Variants in RGS9 observed in about 807,000 individuals in gnomAD.
RGS9 encodes the protein regulator of G protein signaling 9.
A neutral mutation model predicts 102.0 loss-of-function variants in RGS9; 78 were observed. The observed-to-expected ratio is 0.76, with a 90% CI of 0.64 to 0.92. The LOEUF (loss-of-function observed/expected upper bound fraction) is 0.92. RGS9 is among the 40% of genes least tolerant of loss of function. RGS9 has a pLI of 0.00. For synonymous variants in RGS9, 353 were observed against 318.6 expected (o/e 1.11, Z -1.15); for missense variants, 833 against 866.1 (o/e 0.96, Z 0.48).
intron 1 of RGS9, among the ~76,000 whole-genome samples, chr17:65,144,160 T>C (rs189139899): frequency 1.6e-3 from 245 of 152,200 alleles, no homozygotes; most frequent in Non-Finnish European, 2.4e-3. Flanking sequence ...TGGCCAGGCT[T>C]ATTAGCAGGA....
intron 9 of RGS9, among the ~76,000 whole-genome samples, chr17:65,181,928 T>C (rs1204892118): frequency 6.6e-6 from 1 of 152,206 alleles, no homozygotes; most frequent in South Asian, 2.1e-4. Context: ...TGTCATGCTA[T>C]GAGAGAGAAT....
At chr17:65,206,553 C>G in intron 15 of RGS9, among the ~76,000 whole-genome samples, 1 of 152,110 alleles carries the variant, frequency 6.6e-6, no homozygotes, top group East Asian at 1.9e-4. Flanking sequence ...TGGTGGATGC[C>G]TGTAATCTTG....
At chr17:65,224,127 T>C (rs1228311483) in intron 17 of RGS9, among the ~76,000 whole-genome samples, 1 of 152,202 alleles carries the variant, frequency 6.6e-6, no homozygotes, top group Non-Finnish European at 1.5e-5. Flanking sequence ...CCCAGGCCCA[T>C]GGGCCAGTGT....
intron 15 of RGS9, 152 bp downstream of exon 15, chr17:65,204,453 G>A (rs1220159663): frequency 2.1e-6 from 2 of 956,496 alleles, no homozygotes; most frequent in Non-Finnish European, 3.2e-6. Context: ...GCTCATGTCT[G>A]TAATCCCAGC....
chr17:65,179,371 C>T (rs538838593), intron 9 of RGS9, among the ~76,000 whole-genome samples: 1 of 152,318 alleles, frequency 6.6e-6, no homozygotes, highest in South Asian at 2.1e-4. Context: ...GTTCCCAGGG[C>T]AGCCTTTCCC....
intron 18 of RGS9, 69 bp downstream of exon 18, chr17:65,225,555 A>G (rs2144136492): frequency 6.3e-7 from 1 of 1,596,164 alleles, no homozygotes; most frequent in African/African-American, 1.3e-5. Context: ...GCATGTGAAT[A>G]TGCATGCTTT....
At chr17:65,153,573 C>T (rs926595465) in intron 2 of RGS9, 55 bp downstream of exon 2, 28 of 1,340,622 alleles carry the variant, frequency 2.1e-5, no homozygotes, top group South Asian at 1.5e-4. Flanking sequence ...AGGCCCAATA[C>T]GGCCCACCTC....
intron 11 of RGS9, 113 bp downstream of exon 11, chr17:65,190,349 G>A (rs750353560): frequency 1.8e-4 from 161 of 874,258 alleles, no homozygotes; most frequent in Non-Finnish European, 2.7e-4. Context: ...CAGCAGAACT[G>A]TGAGGGACAA....
chr17:65,225,171 T>A lies in RGS9; in HGVS notation c.1577T>A (p.Ile526Asn). The A allele has an allele frequency of 6.2e-7, 1 of 1,613,522 alleles. No homozygotes were observed. Among genetic ancestry groups the A allele is most frequent in the South Asian group, 1.1e-5 (1 of 91,066 alleles). ...AGCACCACCATCTGCCCCTCACCCA[T>A]CAGAGTGGCCTTGGAGAGCTCATCG... is the stretch of plus-strand genomic sequence containing the variant. Reference protein sequence around the residue: ...RPSTTICPSPIRVALESSSGL... With the variant: ...RPSTTICPSPNRVALESSSGL... Residue 526 changes from isoleucine to asparagine, a missense_variant, in exon 18 of 19, where the codon ATC becomes AAC. Physicochemically the swap from Ile to Asn is moderately radical, Grantham distance 149. Coordinates refer to ENST00000262406, the MANE Select transcript of RGS9 (RefSeq NM_003835.4).
intron 2 of RGS9, among the ~76,000 whole-genome samples, chr17:65,157,045 G>A (rs1910793422): frequency 6.6e-6 from 1 of 152,146 alleles, no homozygotes; most frequent in African/African-American, 2.4e-5. Flanking sequence ...TACGCCCAGA[G>A]AGCGTGTATA....
intron 2 of RGS9, among the ~76,000 whole-genome samples, chr17:65,155,957 A>G (rs963781893): frequency 6.6e-6 from 1 of 152,150 alleles, no homozygotes. Context: ...CCTTAAGCTC[A>G]TTTCATGAGT....
chr17:65,168,212 G>A lies in RGS9; in HGVS notation c.513G>A (p.Glu171=), dbSNP rs766394549. 10 of 1,610,330 alleles carry A rather than the reference G, an allele frequency of 6.2e-6. No individual in the cohort carries two copies. The highest frequency in any genetic ancestry group is 1.3e-5 in the African/African-American group (1 of 74,886). ...QAKEQYRAGK[E]RNKADRYALD... is the part of the protein sequence containing the mutation. ...TTTGGCTTTCCAGGGCTGGAAAGGAGAGGAACAAAGCAGACAGATATGCCC... is the reference window on the plus strand; with the variant it reads ...TTTGGCTTTCCAGGGCTGGAAAGGAAAGGAACAAAGCAGACAGATATGCCC... The change falls in exon 8 of 19, where the codon GAG becomes GAA. Residue 171 remains glutamate, a synonymous_variant. Transcript: ENST00000262406.
intron 9 of RGS9, among the ~76,000 whole-genome samples, chr17:65,181,355 C>T (rs1021449130): frequency 6.6e-6 from 1 of 152,192 alleles, no homozygotes; most frequent in African/African-American, 2.4e-5. Flanking sequence ...GATGTTATCT[C>T]ATTGTGGTTT....
chr17:65,215,623 A>C (rs527894753), intron 17 of RGS9, among the ~76,000 whole-genome samples: 1 of 149,942 alleles, frequency 6.7e-6, no homozygotes, highest in South Asian at 2.1e-4. Context: ...CAGCCTTCCA[A>C]GTTCAAGCCA....
chr17:65,170,602 G>A (rs929311335), intron 8 of RGS9, among the ~76,000 whole-genome samples: 5 of 152,096 alleles, frequency 3.3e-5, no homozygotes, highest in African/African-American at 1.2e-4. Flanking sequence ...TCAGTCCTTT[G>A]GTAACCTCCT....
At chr17:65,209,632 G>T (rs1913210821) in intron 16 of RGS9, among the ~76,000 whole-genome samples, 1 of 152,192 alleles carries the variant, frequency 6.6e-6, no homozygotes, top group Non-Finnish European at 1.5e-5. Context: ...TTTGAAGAAG[G>T]TTCTGGCATG....
At chr17:65,219,425 T>G (rs557915128) in intron 17 of RGS9, among the ~76,000 whole-genome samples, 1 of 152,300 alleles carries the variant, frequency 6.6e-6, no homozygotes, top group Middle Eastern at 3.4e-3. Flanking sequence ...AAATCCCAAA[T>G]AGCATAAAAA....
At chr17:65,218,459 C>CT (rs981678988) in intron 17 of RGS9, among the ~76,000 whole-genome samples, 1 of 152,196 alleles carries the variant, frequency 6.6e-6, no homozygotes, top group Non-Finnish European at 1.5e-5. Flanking sequence ...ATGAGAACAG[C>CT]TTTTTTTCTG....
intron 9 of RGS9, 63 bp from the exon 10 acceptor site, chr17:65,189,223 G>A: frequency 7.4e-7 from 1 of 1,351,920 alleles, no homozygotes; most frequent in Non-Finnish European, 1.1e-6. Flanking sequence ...TTTTTCAAAT[G>A]GGTGTTTGAA....
Sources: allele counts gnomAD v4.1 joint callset (sites outside exome capture counted in the v4.1 genomes callset), GRCh38; gene constraint gnomAD v4.1.1; transcripts MANE v1.5; gene names NCBI Gene and HGNC (gene_info 2026-07-23, HGNC 2026-07-21).